ACSBG1: variants seen among roughly 807,000 people sequenced by gnomAD.
ACSBG1 encodes the protein long-chain-fatty-acid--CoA ligase ACSBG1.
ACSBG1 carries 39 observed loss-of-function variants against 80.2 expected under a neutral mutation model. That is an observed-to-expected ratio of 0.49 (90% CI 0.38 to 0.64). The LOEUF (loss-of-function observed/expected upper bound fraction) is 0.64. Ranked by LOEUF, ACSBG1 falls within the 30% of genes least tolerant of loss-of-function variation. The pLI, the probability that ACSBG1 is intolerant of heterozygous loss-of-function variation, is 0.00. For missense variants in ACSBG1, 828 were observed against 966.4 expected (o/e 0.86, Z 1.90); for synonymous variants, 392 against 379.5 (o/e 1.03, Z -0.38).
At chr15:78,199,657 G>GC (rs1382251167) in intron 2 of ACSBG1, among the ~76,000 whole-genome samples, 1 of 147,624 alleles carries the variant, frequency 6.8e-6, no homozygotes, top group African/African-American at 2.5e-5. Context: ...ACCATTCCCA[G>GC]CTTTTTTTTT....
At chr15:78,212,459 T>C in intron 1 of ACSBG1, 1 of 432,592 alleles carries the variant, frequency 2.3e-6, no homozygotes, top group South Asian at 1.6e-5. Context: ...TAAACCCAAG[T>C]CTGGGGGTCC....
intron 1 of ACSBG1, among the ~76,000 whole-genome samples, chr15:78,223,888 G>GT (rs1188410603): frequency 6.6e-6 from 1 of 152,116 alleles, no homozygotes; most frequent in Non-Finnish European, 1.5e-5. Flanking sequence ...GAGAAACAAC[G>GT]TGACCACAGA....
At chr15:78,225,434 A>AATAAATAAATAT (rs779101621) in intron 1 of ACSBG1, among the ~76,000 whole-genome samples, 2 of 133,184 alleles carry the variant, frequency 1.5e-5, no homozygotes, top group Admixed American at 1.5e-4. Flanking sequence ...TAAATAAATA[A>AATAAATAAATAT]AAATAAATTA....
chr15:78,200,049 G>A (rs780041585), intron 2 of ACSBG1, among the ~76,000 whole-genome samples: 1 of 152,158 alleles, frequency 6.6e-6, no homozygotes, highest in East Asian at 1.9e-4. Flanking sequence ...CAAGAGAAAA[G>A]AGTGTTTAAA....
intron 1 of ACSBG1, among the ~76,000 whole-genome samples, chr15:78,210,060 T>C (rs1436619330): frequency 1.3e-5 from 2 of 152,084 alleles, no homozygotes; most frequent in East Asian, 1.9e-4. Flanking sequence ...GAACCTTCTG[T>C]TTATAGGGAC....
intron 5 of ACSBG1, among the ~76,000 whole-genome samples, chr15:78,191,639 A>G (rs1261396605): frequency 6.6e-6 from 1 of 152,232 alleles, no homozygotes; most frequent in Non-Finnish European, 1.5e-5. Context: ...TAATAAAATA[A>G]TTAATTTCAG....
intron 3 of ACSBG1, 33 bp from the exon 4 acceptor site, chr15:78,194,053 C>T (rs770118921): frequency 6.2e-6 from 10 of 1,609,282 alleles, no homozygotes; most frequent in South Asian, 2.2e-5. Context: ...CCAGGTCAGC[C>T]GGGCAGGGAC....
In ACSBG1 at chr15:78,177,634, C is replaced by G. The variant is rs1450129154; in HGVS notation, c.1702+980G>C. On this transcript the variant is annotated intron_variant, in intron 11 of 13. Transcript: ENST00000258873. This position sits in a 1 kb window ranked among gnomAD's most constrained non-coding sequence, Gnocchi z 4.1. Reference sequence around the variant, plus strand: ...ACTGGAGGGTACCTCCAGGGCTCATCAGCCTGCACATCCCAGGGCCCAAAC... The same window carrying G: ...ACTGGAGGGTACCTCCAGGGCTCATGAGCCTGCACATCCCAGGGCCCAAAC... Among the ~76,000 whole-genome samples, 1 of 152,204 alleles carries G rather than the reference C, an allele frequency of 6.6e-6. No individual in the cohort carries two copies. Among genetic ancestry groups the G allele is most frequent in the Non-Finnish European group, 1.5e-5 (1 of 68,038 alleles).
At chr15:78,211,686 G>A (rs969590991) in intron 1 of ACSBG1, among the ~76,000 whole-genome samples, 4 of 152,168 alleles carry the variant, frequency 2.6e-5, no homozygotes, top group South Asian at 2.1e-4. Flanking sequence ...GCCTGGGAGC[G>A]TCTGCACTGC....
chr15:78,182,128 C>T lies in ACSBG1; in HGVS notation c.912G>A (p.Arg304=), dbSNP rs2074952031. Reference sequence around the variant, plus strand: ...GGATGTCACCGGCCTGGCTGCCGTACCGTGCCGTCCACGTGATCTGGAGGA... The same window carrying T: ...GGATGTCACCGGCCTGGCTGCCGTATCGTGCCGTCCACGTGATCTGGAGGA... ...LSQDNITWTA[R]YGSQAGDIRP... The change falls in exon 8 of 14, where the codon CGG becomes CGA. Residue 304 remains arginine, a synonymous_variant. Coordinates refer to ENST00000258873, the MANE Select transcript of ACSBG1 (RefSeq NM_015162.5). The T allele has an allele frequency of 1.2e-6, 2 of 1,610,570 alleles. No homozygotes were observed. The highest frequency in any genetic ancestry group is 4.5e-5 in the East Asian group (2 of 44,874).
intron 1 of ACSBG1, among the ~76,000 whole-genome samples, chr15:78,224,197 G>A (rs2075381914): frequency 6.6e-6 from 1 of 152,182 alleles, no homozygotes. Flanking sequence ...GTTGAAAGCA[G>A]GTCTTCCCAC....
At chr15:78,200,803 G>T (rs1358942191) in intron 2 of ACSBG1, among the ~76,000 whole-genome samples, 1 of 152,174 alleles carries the variant, frequency 6.6e-6, no homozygotes, top group Non-Finnish European at 1.5e-5. Context: ...CTCCCAGAGT[G>T]ACCTTGCTAA....
intron 1 of ACSBG1, among the ~76,000 whole-genome samples, chr15:78,223,678 C>T (rs1000815245): frequency 1.7e-4 from 26 of 152,296 alleles, no homozygotes; most frequent in Admixed American, 7.8e-4. Context: ...AAGTTATCCA[C>T]GTAGTGTTAC....
intron 1 of ACSBG1, among the ~76,000 whole-genome samples, chr15:78,215,782 GAA>G (rs1288608545): frequency 5.9e-4 from 88 of 149,134 alleles, no homozygotes; most frequent in African/African-American, 1.9e-3. Context: ...AAGAAAGAAA[GAA>G]AGAGAAAGAA....
At chr15:78,171,790 A>G (rs2074826191) in intron 13 of ACSBG1, 2 of 327,018 alleles carry the variant, frequency 6.1e-6, no homozygotes, top group Admixed American at 4.4e-5. Context: ...ATAGGTTATA[A>G]AAGATCAGTT....
At chr15:78,189,481 C>T (rs1456801262) in intron 5 of ACSBG1, among the ~76,000 whole-genome samples, 6 of 151,952 alleles carry the variant, frequency 3.9e-5, no homozygotes, top group African/African-American at 9.7e-5. Flanking sequence ...CCATGGAATA[C>T]TATGCAGCCA....
intron 12 of ACSBG1, 58 bp from the exon 13 acceptor site, chr15:78,173,897 G>A (rs1433393634): frequency 1.3e-6 from 2 of 1,571,050 alleles, no homozygotes; most frequent in African/African-American, 2.7e-5. Context: ...GTAAGCCCTG[G>A]TCCTGGAGGA....
intron 1 of ACSBG1, among the ~76,000 whole-genome samples, chr15:78,230,029 G>A (rs2075433420): frequency 6.6e-6 from 1 of 152,212 alleles, no homozygotes; most frequent in African/African-American, 2.4e-5. Context: ...GTCCTCTTCT[G>A]AGGTTCCTTC....
At chr15:78,221,191 G>A (rs2141383600) in intron 1 of ACSBG1, among the ~76,000 whole-genome samples, 1 of 152,226 alleles carries the variant, frequency 6.6e-6, no homozygotes, top group African/African-American at 2.4e-5. Context: ...CAGCATGTGA[G>A]GACCTGCACC....
Sources: allele counts gnomAD v4.1 joint callset (sites outside exome capture counted in the v4.1 genomes callset), GRCh38; gene constraint gnomAD v4.1.1; non-coding constraint Gnocchi (gnomAD v3.1); transcripts MANE v1.5; gene names NCBI Gene and HGNC (gene_info 2026-07-23, HGNC 2026-07-21).